KIFC3: variants seen among roughly 807,000 people sequenced by gnomAD.
KIFC3 encodes kinesin-like protein KIFC3.
KIFC3 carries 60 observed loss-of-function variants against 101.8 expected under a neutral mutation model. The ratio of observed to expected loss-of-function variants is 0.59; its 90% CI spans 0.48 to 0.73. The LOEUF (loss-of-function observed/expected upper bound fraction) is 0.73. Among genes scored for constraint, KIFC3 ranks in the 30% least tolerant of loss-of-function variants. The pLI is 0.00. For synonymous variants in KIFC3, 476 were observed against 482.7 expected (o/e 0.99, Z 0.18); for missense variants, 966 against 1,137.1 (o/e 0.85, Z 2.16).
intron 1 of KIFC3, among the ~76,000 whole-genome samples, chr16:57,857,317 C>G (rs1005874260): frequency 6.6e-6 from 1 of 152,082 alleles, no homozygotes; most frequent in South Asian, 2.1e-4. Flanking sequence ...TCCAGGGCCC[C>G]TGACTTCAGC....
chr16:57,824,492 G>C (rs1326820883), intron 1 of KIFC3, among the ~76,000 whole-genome samples: 3 of 152,112 alleles, frequency 2.0e-5, no homozygotes, highest in Admixed American at 6.6e-5. Context: ...TAACCAGCCT[G>C]GGAAACATAA....
intron 3 of KIFC3, among the ~76,000 whole-genome samples, chr16:57,781,033 G>A (rs1555614302): frequency 6.6e-6 from 1 of 152,028 alleles, no homozygotes; most frequent in Non-Finnish European, 1.5e-5. Context: ...GGAGTGCCGT[G>A]AGTGCCGGTC....
intron 11 of KIFC3, 148 bp downstream of exon 11, chr16:57,765,311 A>G (rs1449635565): frequency 6.7e-6 from 5 of 751,330 alleles, no homozygotes; most frequent in Non-Finnish European, 1.0e-5. Flanking sequence ...TCTGTCCTCC[A>G]GAGGAAGGAG....
chr16:57,763,963 G>A (rs947006953), intron 12 of KIFC3, among the ~76,000 whole-genome samples, 180 bp downstream of exon 12: 5 of 152,204 alleles, frequency 3.3e-5, no homozygotes, highest in Admixed American at 2.6e-4. Context: ...CTTGGGCAAG[G>A]GGGCCCCCTC....
At chr16:57,813,673 C>T (rs2055147193) in intron 1 of KIFC3, 2 of 985,316 alleles carry the variant, frequency 2.0e-6, no homozygotes, top group Non-Finnish European at 1.2e-6. Context: ...AAACCTCCCA[C>T]CTGGCATCCT....
At chr16:57,853,668 G>C (rs1429886886) in intron 1 of KIFC3, among the ~76,000 whole-genome samples, 7 of 152,080 alleles carry the variant, frequency 4.6e-5, no homozygotes, top group African/African-American at 1.7e-4. Context: ...GTCTCGCTCT[G>C]TCACCCTGGT....
At chr16:57,843,920 C>T (rs201545704) in intron 1 of KIFC3, among the ~76,000 whole-genome samples, 1 of 151,902 alleles carries the variant, frequency 6.6e-6, no homozygotes, top group East Asian at 1.9e-4. Flanking sequence ...CCAGCCTGGC[C>T]AACATGGTAA....
chr16:57,760,748 C>T lies in KIFC3; in HGVS notation c.2210G>A (p.Ser737Asn), dbSNP rs1555595715. 1 of 1,613,818 alleles carries T rather than the reference C, an allele frequency of 6.2e-7. No homozygotes were observed. ...YLLQDSLSGDSKTLMVVQVSP... is the reference protein window; with the variant it reads ...YLLQDSLSGDNKTLMVVQVSP... ...CACCTGTACCACCATGAGGGTCTTG[C>T]TGTCACCACTAAGCGAATCCTGCAG... Residue 737 changes from serine to asparagine, a missense_variant, in exon 16 of 20, where the codon AGC becomes AAC. Coordinates refer to ENST00000445690, the MANE Select transcript of KIFC3 (RefSeq NM_001130100.2).
At chr16:57,784,464 G>A (rs548197016) in intron 3 of KIFC3, among the ~76,000 whole-genome samples, 28 of 152,346 alleles carry the variant, frequency 1.8e-4, no homozygotes, top group African/African-American at 6.0e-4. Flanking sequence ...TTTCAAAAAC[G>A]CGCACAATAT....
chr16:57,852,752 A>G (rs113006994), intron 1 of KIFC3, among the ~76,000 whole-genome samples: 1,312 of 48,112 alleles, frequency 0.027, 17 homozygotes, highest in African/African-American at 0.069. Context: ...ATTGTTCTGT[A>G]AGCTCCCGTG....
chr16:57,776,516 G>C, intron 3 of KIFC3: 1 of 542,544 alleles, frequency 1.8e-6, no homozygotes, highest in Non-Finnish European at 2.3e-6. Flanking sequence ...AGTCTCTTAA[G>C]TTCTCTATGT....
At chr16:57,768,364 G>C (rs1470459795) in intron 9 of KIFC3, among the ~76,000 whole-genome samples, 2 of 152,032 alleles carry the variant, frequency 1.3e-5, no homozygotes, top group African/African-American at 4.8e-5. Flanking sequence ...AAAAAATGCT[G>C]TGTAAATAGT....
chr16:57,803,282 C>T, upstream of KIFC3: 1 of 695,600 alleles, frequency 1.4e-6, no homozygotes, highest in East Asian at 2.7e-5. Context: ...GCCTGCCAGC[C>T]GGGAGAGACA....
chr16:57,827,149 C>G (rs1363285282), intron 1 of KIFC3, among the ~76,000 whole-genome samples: 1 of 152,242 alleles, frequency 6.6e-6, no homozygotes, highest in Non-Finnish European at 1.5e-5. Context: ...CCGCATCAGA[C>G]TAAAGCGATC....
intron 1 of KIFC3, among the ~76,000 whole-genome samples, chr16:57,820,160 C>T (rs528531865): frequency 5.5e-4 from 84 of 152,322 alleles, no homozygotes; most frequent in Non-Finnish European, 1.0e-3. Flanking sequence ...CACCCGGCTA[C>T]CTTCTGACTT....
At chr16:57,858,692 A>G (rs1325870503) in intron 1 of KIFC3, among the ~76,000 whole-genome samples, 1 of 152,156 alleles carries the variant, frequency 6.6e-6, no homozygotes, top group African/African-American at 2.4e-5. Flanking sequence ...CACACCTGTC[A>G]TCCCAGCACT....
intron 1 of KIFC3, chr16:57,816,378 CCT>C: frequency 8.8e-6 from 6 of 681,912 alleles, no homozygotes; most frequent in African/African-American, 1.8e-5. Context: ...TTGAGGAAGG[CCT>C]CAGAAGACCC....
At chr16:57,795,971 G>A (rs532106369) in intron 2 of KIFC3, among the ~76,000 whole-genome samples, 17 of 136,044 alleles carry the variant, frequency 1.2e-4, no homozygotes, top group African/African-American at 4.7e-4. Flanking sequence ...TTGGCTCACT[G>A]CAACCTCCAC....
chr16:57,804,583 C>T (rs1872540855), upstream of KIFC3, among the ~76,000 whole-genome samples: 1 of 152,156 alleles, frequency 6.6e-6, no homozygotes, highest in South Asian at 2.1e-4. Context: ...GTAAAAACTA[C>T]TTGTTTCATG....
Sources: allele counts gnomAD v4.1 joint callset (sites outside exome capture counted in the v4.1 genomes callset), GRCh38; gene constraint gnomAD v4.1.1; transcripts MANE v1.5; gene names NCBI Gene and HGNC (gene_info 2026-07-23, HGNC 2026-07-21).